The following CNTN5 variants were observed in gnomAD, a reference collection of about 807,000 sequenced individuals.
CNTN5 encodes the protein contactin 5, also known as contactin-5.
Under a neutral mutation model 129.1 loss-of-function variants are expected in CNTN5, and 77 were observed. The ratio of observed to expected loss-of-function variants is 0.60; its 90% confidence interval spans 0.50 to 0.72. The LOEUF (loss-of-function observed/expected upper bound fraction) is 0.72. Ranked by LOEUF, CNTN5 falls within the 30% of genes least tolerant of loss-of-function variation. The probability of loss-of-function intolerance (pLI) is 0.00; values close to 1 mark genes in which losing one functional copy is unlikely to be tolerated. For synonymous variants in CNTN5, 509 were observed against 465.6 expected, an observed-to-expected ratio of 1.09 and a Z score of -1.20; for missense variants, 1,478 against 1,328.8, an observed-to-expected ratio of 1.11 and a Z score of -1.75.
At chr11:99,686,095 G>A (rs1953779061) in intron 3 of CNTN5, among the ~76,000 whole-genome samples, 1 of 150,664 alleles carries the variant, frequency 6.6e-6, no homozygotes, top group Non-Finnish European at 1.5e-5. Flanking sequence ...TTCCACCTGT[G>A]TATATATATA....
At chr11:99,058,425 A>G (rs1228745715) in intron 1 of CNTN5, among the ~76,000 whole-genome samples, 9 of 152,050 alleles carry the variant, frequency 5.9e-5, no homozygotes, top group Admixed American at 5.3e-4. Context: ...ATAACTAAAT[A>G]CCTCAAAAAT....
In CNTN5 at chr11:99,981,103, T is replaced by TATATATATATATATATATAC. The variant is rs1014330113; in HGVS notation, c.878-20930_878-20929insTATATATATATATATATACA. Among the ~76,000 whole-genome samples, 150 of 54,406 alleles carry TATATATATATATATATATAC rather than the reference T, an allele frequency of 2.8e-3. 1 individual carries two copies. In the East Asian group the frequency reaches 0.031, roughly 11 times the overall value. 35.7% of individuals were successfully genotyped at this position (54,406 alleles called of 152,430 possible). On this transcript the variant is annotated intron_variant, in intron 8 of 24. Coordinates refer to ENST00000524871, the MANE Select transcript of CNTN5 (RefSeq NM_014361.4). ...ATATATATATATATATATATATATA[T>TATATATATATATATATATAC]ACACACACACACACATATATGAAAG... is the stretch of plus-strand genomic sequence containing the variant.
chr11:99,836,423 G>C (rs1175009793), intron 4 of CNTN5, among the ~76,000 whole-genome samples: 1 of 151,774 alleles, frequency 6.6e-6, no homozygotes, highest in East Asian at 1.9e-4. Context: ...ATAGTTTGCT[G>C]AGAATGATGG....
chr11:100,136,286 A>C (rs1463589152), intron 13 of CNTN5, among the ~76,000 whole-genome samples: 2 of 152,074 alleles, frequency 1.3e-5, no homozygotes. Context: ...AAATGGAAAT[A>C]AAATTTCTTC....
chr11:99,298,063 C>A (rs906762232), intron 1 of CNTN5, among the ~76,000 whole-genome samples: 20 of 152,152 alleles, frequency 1.3e-4, no homozygotes, highest in Non-Finnish European at 8.8e-5. Context: ...TCCATGATCT[C>A]CAGCTGCTCT....
chr11:99,177,017 A>T (rs1857808582), intron 1 of CNTN5, among the ~76,000 whole-genome samples: 1 of 152,108 alleles, frequency 6.6e-6, no homozygotes, highest in Non-Finnish European at 1.5e-5. Flanking sequence ...TCCCACTGTA[A>T]ATCAATCCAG....
At chr11:99,961,219 A>AC (rs1565725273) in intron 8 of CNTN5, among the ~76,000 whole-genome samples, 2 of 145,718 alleles carry the variant, frequency 1.4e-5, no homozygotes, top group Non-Finnish European at 3.0e-5. Flanking sequence ...AAAAAAAAAA[A>AC]AAAAAACAGT....
intron 8 of CNTN5, among the ~76,000 whole-genome samples, chr11:99,981,499 C>G (rs1938347867): frequency 6.6e-6 from 1 of 152,152 alleles, no homozygotes; most frequent in Non-Finnish European, 1.5e-5. Flanking sequence ...TCTTTCCCAC[C>G]TAGTCCACTC....
At chr11:100,256,366 A>G (rs142283781) in intron 17 of CNTN5, among the ~76,000 whole-genome samples, 1 of 152,254 alleles carries the variant, frequency 6.6e-6, no homozygotes, top group African/African-American at 2.4e-5. Flanking sequence ...CTTATATGAG[A>G]TTCTATGAAA....
intron 2 of CNTN5, among the ~76,000 whole-genome samples, chr11:99,501,787 G>C (rs1946436661): frequency 6.6e-6 from 1 of 152,164 alleles, no homozygotes. Context: ...CTCTCTGACT[G>C]TTTGACATTG....
chr11:99,843,244 C>A (rs1039051318), intron 4 of CNTN5, among the ~76,000 whole-genome samples: 2 of 152,076 alleles, frequency 1.3e-5, no homozygotes, highest in African/African-American at 4.8e-5. Flanking sequence ...AAAAAACTTG[C>A]ATCTAGGTTA....
chr11:99,510,627 A>G (rs1946800185), intron 2 of CNTN5, among the ~76,000 whole-genome samples: 1 of 152,154 alleles, frequency 6.6e-6, no homozygotes, highest in Admixed American at 6.6e-5. Flanking sequence ...GGGTGCTTCA[A>G]TAGTGGAGCT....
At chr11:100,311,561 G>A (rs529165686) in intron 21 of CNTN5, among the ~76,000 whole-genome samples, 116 of 152,004 alleles carry the variant, frequency 7.6e-4, no homozygotes, top group Non-Finnish European at 1.4e-3. Flanking sequence ...GAAGGTGCCT[G>A]AGAATTGAGC....
At chr11:99,208,728 G>T (rs1859609263) in intron 1 of CNTN5, among the ~76,000 whole-genome samples, 2 of 151,998 alleles carry the variant, frequency 1.3e-5, no homozygotes, top group Non-Finnish European at 2.9e-5. Flanking sequence ...CAAACACAAG[G>T]ACATTATAAT....
chr11:99,565,765 T>C (rs1461292722), intron 3 of CNTN5, among the ~76,000 whole-genome samples: 1 of 152,170 alleles, frequency 6.6e-6, no homozygotes, highest in African/African-American at 2.4e-5. Context: ...TCTCCCATGA[T>C]TTCCCCCCAT....
intron 8 of CNTN5, among the ~76,000 whole-genome samples, chr11:99,967,900 A>T (rs1362496232): frequency 6.6e-6 from 1 of 152,126 alleles, no homozygotes; most frequent in Non-Finnish European, 1.5e-5. Flanking sequence ...TATTTAATCT[A>T]CACTTATGTT....
chr11:100,224,001 T>C (rs1462965075), intron 15 of CNTN5, among the ~76,000 whole-genome samples: 1 of 152,036 alleles, frequency 6.6e-6, no homozygotes, highest in Non-Finnish European at 1.5e-5. Context: ...CTCATTGATC[T>C]CCCTAACTGC....
intron 2 of CNTN5, among the ~76,000 whole-genome samples, chr11:99,408,382 A>T (rs1942192837): frequency 1.3e-5 from 2 of 148,332 alleles, no homozygotes; most frequent in African/African-American, 2.5e-5. Flanking sequence ...AAAAAAAAAA[A>T]AGAAAGAAAG....
At chr11:99,701,461 A>T (rs1305232385) in intron 3 of CNTN5, among the ~76,000 whole-genome samples, 1 of 151,190 alleles carries the variant, frequency 6.6e-6, no homozygotes, top group Non-Finnish European at 1.5e-5. Context: ...ATTCTGACTT[A>T]TTCCCAAATA....
Sources: allele counts gnomAD v4.1 joint callset (sites outside exome capture counted in the v4.1 genomes callset), GRCh38; gene constraint gnomAD v4.1.1; transcripts MANE v1.5; gene names NCBI Gene and HGNC (gene_info 2026-07-23, HGNC 2026-07-21).